Variants in ZNF704 observed in about 807,000 individuals in gnomAD.
The protein encoded by ZNF704 is zinc finger protein 704.
Under a neutral mutation model 44.7 loss-of-function variants are expected in ZNF704, and 10 were observed. The ratio of observed to expected loss-of-function variants is 0.22; its 90% CI spans 0.14 to 0.38. ZNF704 has a LOEUF of 0.38. ZNF704 is among the 10% of genes least tolerant of loss of function. The pLI is 1.00. For synonymous variants in ZNF704, 211 were observed against 207.6 expected, an observed-to-expected ratio of 1.02 and a Z score of -0.14; for missense variants, 390 against 545.5, an observed-to-expected ratio of 0.71 and a Z score of 2.84.
Position 80,641,283 on chromosome 8 carries a change from A to G in ZNF704, c.*83T>C. On this transcript the variant is annotated 3_prime_UTR_variant, in exon 9 of 9. Transcript: ENST00000327835. ...TGGCTTCAACTGTGTTTTATTCAGT[A>G]GGAAAAGCTCTTTCCAACACCTGCA... is the stretch of plus-strand genomic sequence containing the variant. 1 of 878,230 alleles carries G rather than the reference A, an allele frequency of 1.1e-6. No homozygotes were observed. 54.4% of individuals were successfully genotyped at this position (878,230 alleles called of 1,614,324 possible). A position where few individuals can be genotyped will look rare whatever the true frequency, so the allele number is the denominator to read the frequency against.
At chr8:80,749,503 T>G (rs1026734178) in intron 2 of ZNF704, 2 of 152,954 alleles carry the variant, frequency 1.3e-5, no homozygotes, top group African/African-American at 2.4e-5. Flanking sequence ...AGGTTTAGAG[T>G]GCGGAATCAT....
intron 6 of ZNF704, 102 bp from the exon 7 acceptor site, chr8:80,659,791 T>C (rs572102585): frequency 4.0e-5 from 39 of 973,736 alleles, no homozygotes; most frequent in Middle Eastern, 5.4e-4. Context: ...GTCTCAGCTA[T>C]ATTAATAACT....
At chr8:80,678,122 T>C in intron 4 of ZNF704, among the ~76,000 whole-genome samples, 1 of 152,196 alleles carries the variant, frequency 6.6e-6, no homozygotes, top group Non-Finnish European at 1.5e-5. Context: ...AAATCTGCTG[T>C]AGGAAAAATT....
rs1817586052 is a variant in ZNF704 at position 80,631,618 on chromosome 8, G to A, written c.*9748C>T. On this transcript the variant is annotated 3_prime_UTR_variant, in exon 9 of 9. Coordinates refer to ENST00000327835, the MANE Select transcript of ZNF704 (RefSeq NM_001033723.3). ...TCACTCTATTAGCCTCGCACGTGGA[G>A]AGGACCGGTAGGGTTGGTGACTTGC... is the stretch of plus-strand genomic sequence containing the variant. 6.6e-6 allele frequency: 1 copy of A among 152,246 alleles called. No homozygotes were observed. The highest frequency in any genetic ancestry group is 2.4e-5 in the African/African-American group (1 of 41,440). 9.4% of individuals were successfully genotyped at this position (152,246 alleles called of 1,614,324 possible).
Position 80,736,303 on chromosome 8 carries a change from C to T in ZNF704, c.222-43196G>A, listed in dbSNP as rs527649818. ...TTACTTTTTTGTTATTTTTTTGAGACGCAGTCTCGCTCTATCACCAGGCTG... is the reference window on the plus strand; with the variant it reads ...TTACTTTTTTGTTATTTTTTTGAGATGCAGTCTCGCTCTATCACCAGGCTG... On this transcript the variant is annotated intron_variant, in intron 2 of 8. Coordinates refer to ENST00000327835, the MANE Select transcript of ZNF704 (RefSeq NM_001033723.3). 7.2e-5 allele frequency among the ~76,000 whole-genome samples: 11 copies of T among 152,326 alleles called. No individual in the cohort carries two copies. The East Asian group carries it at 1.2e-3, about 16-fold the overall frequency.
intron 2 of ZNF704, among the ~76,000 whole-genome samples, chr8:80,719,141 A>T (rs1819122951): frequency 6.6e-6 from 1 of 151,814 alleles, no homozygotes; most frequent in Admixed American, 6.6e-5. Flanking sequence ...AATTTTTTAA[A>T]TTTTTTAATT....
chr8:80,716,656 C>A (rs1426436742), intron 2 of ZNF704, among the ~76,000 whole-genome samples: 1 of 152,176 alleles, frequency 6.6e-6, no homozygotes, highest in African/African-American at 2.4e-5. Flanking sequence ...CATGTTAAGT[C>A]CTTTAAACTG....
chr8:80,727,679 G>A (rs971290829), intron 2 of ZNF704, among the ~76,000 whole-genome samples: 2 of 152,064 alleles, frequency 1.3e-5, no homozygotes, highest in African/African-American at 2.4e-5. Flanking sequence ...AGCCTCATGA[G>A]ACCCCGCCCC....
chr8:80,813,989 C>T (rs1808135014), intron 2 of ZNF704: 1 of 152,166 alleles, frequency 6.6e-6, no homozygotes. Context: ...CCTTCCTTCC[C>T]ATTTTTATAG....
chr8:80,788,527 G>A (rs560909590), intron 2 of ZNF704, among the ~76,000 whole-genome samples: 2 of 152,336 alleles, frequency 1.3e-5, no homozygotes, highest in African/African-American at 4.8e-5. Context: ...GTAGAATTCA[G>A]GGAAAGCTGC....
chr8:80,766,111 A>C (rs1807222823), intron 2 of ZNF704, among the ~76,000 whole-genome samples: 1 of 152,128 alleles, frequency 6.6e-6, no homozygotes, highest in African/African-American at 2.4e-5. Flanking sequence ...TCTTCTATTA[A>C]TAATACCAGT....
At chr8:80,869,667 C>A (rs961944768) in intron 1 of ZNF704, among the ~76,000 whole-genome samples, 2 of 152,168 alleles carry the variant, frequency 1.3e-5, no homozygotes, top group Non-Finnish European at 2.9e-5. Context: ...CTCAATGATC[C>A]TCACCACCTG....
In ZNF704 at chr8:80,649,804, T is replaced by C. The variant is rs192913004; in HGVS notation, c.1033-6675A>G. Among the ~76,000 whole-genome samples the C allele has an allele frequency of 3.6e-4, 55 of 152,282 alleles. No homozygotes were observed. In the East Asian group the frequency reaches 8.9e-3, roughly 25 times the overall value. ...CTTAAATGTCCCTGTCTGACAGCTT[T>C]GAAGAGAGCAGTGATTCTCCCAGCA... On this transcript the variant is annotated intron_variant, in intron 7 of 8. Transcript: ENST00000327835.
At chr8:80,760,382 G>A (rs1296899867) in intron 2 of ZNF704, among the ~76,000 whole-genome samples, 1 of 152,100 alleles carries the variant, frequency 6.6e-6, no homozygotes, top group East Asian at 1.9e-4. Flanking sequence ...ACCTGGCCGG[G>A]CACGGTGGCT....
At chr8:80,850,938 T>A (rs905816447) in intron 1 of ZNF704, among the ~76,000 whole-genome samples, 2 of 152,206 alleles carry the variant, frequency 1.3e-5, no homozygotes, top group African/African-American at 4.8e-5. Context: ...CTATCACAGT[T>A]GCACATTGCT....
chr8:80,771,610 T>C (rs867655071), intron 2 of ZNF704, among the ~76,000 whole-genome samples: 13 of 152,320 alleles, frequency 8.5e-5, no homozygotes, highest in African/African-American at 7.2e-5. Context: ...ATAAATTCCT[T>C]GGAATATTCT....
rs1817578800 is a variant in ZNF704 at position 80,631,215 on chromosome 8, A to C, written c.*10151T>G. On this transcript the variant is annotated 3_prime_UTR_variant, in exon 9 of 9. Transcript: ENST00000327835. Reference sequence around the variant, plus strand: ...ATTGCTCCTCAACCTTTTTTGGGAAAGTATGGGTAGTTTATCATGAAACTC... The same window carrying C: ...ATTGCTCCTCAACCTTTTTTGGGAACGTATGGGTAGTTTATCATGAAACTC... The C allele has an allele frequency of 6.6e-6, 1 of 152,120 alleles. No individual in the cohort carries two copies. Among genetic ancestry groups the C allele is most frequent in the Non-Finnish European group, 1.5e-5 (1 of 68,020 alleles). 9.4% of individuals were successfully genotyped at this position (152,120 alleles called of 1,614,324 possible). A position where few individuals can be genotyped will look rare whatever the true frequency, so the allele number is the denominator to read the frequency against.
chr8:80,670,092 T>C (rs909173755), intron 5 of ZNF704, among the ~76,000 whole-genome samples: 1 of 152,158 alleles, frequency 6.6e-6, no homozygotes, highest in African/African-American at 2.4e-5. Context: ...CCACAGGTAA[T>C]TTCAGTGGGT....
chr8:80,884,414 G>A, the ZNF704 span, among the ~76,000 whole-genome samples: 3 of 152,250 alleles, frequency 2.0e-5, no homozygotes, highest in East Asian at 5.8e-4. Context: ...GCCCCCAGTG[G>A]CTCCATATAT....
Sources: gnomAD v4.1 joint callset for allele counts (sites outside exome capture counted in the v4.1 genomes callset) on GRCh38, gnomAD v4.1.1 for gene constraint, MANE v1.5 for transcripts, NCBI Gene and HGNC (gene_info 2026-07-23, HGNC 2026-07-21) for gene names.